Variants in RHEB observed in about 807,000 individuals in gnomAD.
RHEB encodes the protein Ras homolog, mTORC1 binding.
A neutral mutation model predicts 28.8 loss-of-function variants in RHEB; 2 were observed. The ratio of observed to expected loss-of-function variants is 0.07; its 90% CI spans 0.03 to 0.22. RHEB has a LOEUF of 0.22. Among genes scored for constraint, RHEB ranks in the 10% least tolerant of loss-of-function variants. RHEB has a pLI of 1.00. For missense variants in RHEB, 76 were observed against 219.9 expected (o/e 0.35, Z 4.14); for synonymous variants, 69 against 77.3 (o/e 0.89, Z 0.56).
intron 1 of RHEB, among the ~76,000 whole-genome samples, chr7:151,516,452 G>A (rs1219702874): frequency 6.6e-6 from 1 of 151,824 alleles, no homozygotes; most frequent in Non-Finnish European, 1.5e-5. Flanking sequence ...GTGAAACCCA[G>A]TCTCTACTAA....
chr7:151,491,047 G>A lies in RHEB; in HGVS notation c.53-33C>T, dbSNP rs140815181. ...AGAGAACAAGAGCTTAGTGTGTGTT[G>A]GCATATGAAGGTAAAAATTTTTAAT... On this transcript the variant is annotated intron_variant, in intron 1 of 7. Coordinates refer to ENST00000262187, the MANE Select transcript of RHEB (RefSeq NM_005614.4). The A allele has an allele frequency of 2.5e-5, 38 of 1,497,982 alleles. No homozygotes were observed. The Middle Eastern group carries it at 9.6e-4, about 38-fold the overall frequency. The allele number at this position is 1,497,982 out of a possible 1,614,324, so 92.8% of individuals were successfully genotyped here. A position where few individuals can be genotyped will look rare whatever the true frequency, so the allele number is the denominator to read the frequency against.
intron 1 of RHEB, among the ~76,000 whole-genome samples, chr7:151,492,618 TAAAAAAAAA>T (rs1299970761): frequency 8.0e-6 from 1 of 125,014 alleles, no homozygotes; most frequent in African/African-American, 3.0e-5. Flanking sequence ...CTCTGTCTTA[TAAAAAAAAA>T]AAAAGAAAAA....
chr7:151,498,498 A>G (rs970372066), intron 1 of RHEB, among the ~76,000 whole-genome samples: 2 of 152,082 alleles, frequency 1.3e-5, no homozygotes, highest in African/African-American at 2.4e-5. Flanking sequence ...GTGGTAGTGC[A>G]CGCCCATGCT....
chr7:151,507,819 T>C (rs1294010214), intron 1 of RHEB, among the ~76,000 whole-genome samples: 1 of 152,184 alleles, frequency 6.6e-6, no homozygotes, highest in Non-Finnish European at 1.5e-5. Flanking sequence ...TGCTACCAGA[T>C]ATATACCACT....
chr7:151,493,308 C>G (rs1249671965), intron 1 of RHEB, among the ~76,000 whole-genome samples: 1 of 152,082 alleles, frequency 6.6e-6, no homozygotes, highest in Non-Finnish European at 1.5e-5. Context: ...CTCTAGCAAC[C>G]CCCACTGCCC....
chr7:151,513,364 A>G (rs1803024311), intron 1 of RHEB, among the ~76,000 whole-genome samples: 1 of 152,264 alleles, frequency 6.6e-6, no homozygotes, highest in African/African-American at 2.4e-5. Context: ...AAAAACTGGT[A>G]GCATGTTGCC....
At chr7:151,514,793 C>T (rs1369667793) in intron 1 of RHEB, among the ~76,000 whole-genome samples, 1 of 152,120 alleles carries the variant, frequency 6.6e-6, no homozygotes, top group African/African-American at 2.4e-5. Flanking sequence ...AATCCCAACA[C>T]TGGGAGACTG....
chr7:151,508,111 C>A (rs1185839847), intron 1 of RHEB, among the ~76,000 whole-genome samples: 2 of 152,134 alleles, frequency 1.3e-5, no homozygotes, highest in African/African-American at 4.8e-5. Flanking sequence ...GGTGGCCAAT[C>A]TGGAGAGAAG....
At chr7:151,499,775 T>C (rs1191571702) in intron 1 of RHEB, among the ~76,000 whole-genome samples, 1 of 152,322 alleles carries the variant, frequency 6.6e-6, no homozygotes, top group African/African-American at 2.4e-5. Flanking sequence ...GTACTACTAA[T>C]TGAGAAAAGT....
At chr7:151,485,134 G>A (rs945372897) in intron 2 of RHEB, among the ~76,000 whole-genome samples, 4 of 152,136 alleles carry the variant, frequency 2.6e-5, no homozygotes, top group East Asian at 1.9e-4. Flanking sequence ...AATATACTAC[G>A]TAAAGTCTGA....
chr7:151,487,271 T>C (rs1802493965), intron 2 of RHEB, among the ~76,000 whole-genome samples: 1 of 152,212 alleles, frequency 6.6e-6, no homozygotes, highest in South Asian at 2.1e-4. Context: ...ACTGCACTCC[T>C]GCCTGAAGGA....
rs565872320 is a variant in RHEB, at chr7:151,484,781, T to A, written c.148A>T (p.Asn50Tyr). Residue 50 changes from asparagine (N) to tyrosine (Y), a missense_variant, in exon 3 of 8, where the codon AAT becomes TAT. Asn to Tyr is a moderately radical substitution (Grantham distance 143). Coordinates refer to ENST00000262187, the MANE Select transcript of RHEB (RefSeq NM_005614.4). ...ENTFTKLITV[N>Y]GQEYHLQLVD... Reference sequence around the variant, plus strand: ...AGTTGAAGATGATATTCTTGTCCATTTACTGTGATCAACTTTGTAAAAGCT... The same window carrying A: ...AGTTGAAGATGATATTCTTGTCCATATACTGTGATCAACTTTGTAAAAGCT... 1 of 1,613,058 alleles carries A rather than the reference T, an allele frequency of 6.2e-7. No homozygotes were observed. Among genetic ancestry groups the A allele is most frequent in the African/African-American group, 1.3e-5 (1 of 75,020 alleles).
intron 1 of RHEB, among the ~76,000 whole-genome samples, chr7:151,517,133 G>A (rs1447175512): frequency 1.3e-5 from 2 of 152,230 alleles, no homozygotes; most frequent in African/African-American, 4.8e-5. Flanking sequence ...GGAGGCCAAG[G>A]TGGGAGGACC....
In RHEB at chr7:151,519,859, A is replaced by C; in HGVS notation, c.-348T>G. Reference sequence around the variant, plus strand: ...AGGGGACGCCGCGATGCCCCCAGAAAAGTCACGACTGAAACTCGCTGCGTC... The same window carrying C: ...AGGGGACGCCGCGATGCCCCCAGAACAGTCACGACTGAAACTCGCTGCGTC... On this transcript the variant is annotated 5_prime_UTR_variant, in exon 1 of 8. Coordinates refer to ENST00000262187, the MANE Select transcript of RHEB (RefSeq NM_005614.4). The C allele has an allele frequency of 4.9e-6, 1 of 204,588 alleles. No homozygotes were observed. Among genetic ancestry groups the C allele is most frequent in the East Asian group, 1.1e-4 (1 of 9,394 alleles). 12.7% of individuals were successfully genotyped at this position (204,588 alleles called of 1,614,324 possible). A position where few individuals can be genotyped will look rare whatever the true frequency, so the allele number is the denominator to read the frequency against.
At chr7:151,473,436 G>A (rs897170986) in intron 4 of RHEB, among the ~76,000 whole-genome samples, 3 of 152,216 alleles carry the variant, frequency 2.0e-5, no homozygotes, top group Non-Finnish European at 4.4e-5. Context: ...CTGAGAGACT[G>A]AAGCAGAGGA....
intron 4 of RHEB, among the ~76,000 whole-genome samples, chr7:151,474,250 C>T (rs558502949): frequency 6.6e-6 from 1 of 151,866 alleles, no homozygotes; most frequent in South Asian, 2.1e-4. Context: ...ATGATTTCAG[C>T]TCATGATACA....
At chr7:151,495,566 C>G (rs1408384318) in intron 1 of RHEB, among the ~76,000 whole-genome samples, 1 of 152,078 alleles carries the variant, frequency 6.6e-6, no homozygotes, top group Non-Finnish European at 1.5e-5. Context: ...AATCTTATAC[C>G]TCATGATTAC....
rs77945682 is a variant in RHEB at position 151,515,220 on chromosome 7, A to G, written c.52+4240T>C. Among the ~76,000 whole-genome samples the G allele has an allele frequency of 7.3e-3, 1,111 of 152,312 alleles. 18 individuals are homozygous for G. The highest frequency in any genetic ancestry group is 0.025 in the African/African-American group (1,048 of 41,546). ...CATGAACGAACCTTGAAAACATTATACTAAGTAAAAGACGCCAGCCCCAGA... is the reference window on the plus strand; with the variant it reads ...CATGAACGAACCTTGAAAACATTATGCTAAGTAAAAGACGCCAGCCCCAGA... On this transcript the variant is annotated intron_variant, in intron 1 of 7. Transcript: ENST00000262187.
At chr7:151,507,881 T>C (rs1005333044) in intron 1 of RHEB, among the ~76,000 whole-genome samples, 3 of 152,164 alleles carry the variant, frequency 2.0e-5, no homozygotes, top group Non-Finnish European at 2.9e-5. Context: ...CTCAGTTTCA[T>C]AAATGAAGAA....
Sources: allele counts gnomAD v4.1 joint callset (sites outside exome capture counted in the v4.1 genomes callset), GRCh38; gene constraint gnomAD v4.1.1; transcripts MANE v1.5; gene names NCBI Gene and HGNC (gene_info 2026-07-23, HGNC 2026-07-21).